The following FUT8 variants were observed in gnomAD, a reference collection of about 807,000 sequenced individuals.
FUT8 encodes alpha-(1,6)-fucosyltransferase.
FUT8 carries 29 observed loss-of-function variants against 71.3 expected under a neutral mutation model. The observed-to-expected ratio is 0.41, with a 90% CI of 0.30 to 0.55. The LOEUF (loss-of-function observed/expected upper bound fraction) is 0.55, where lower values mean the gene tolerates loss of function less well. Ranked by LOEUF, FUT8 falls within the 20% of genes least tolerant of loss-of-function variation. The pLI, the probability that FUT8 is intolerant of heterozygous loss-of-function variation, is 0.34. For missense variants in FUT8, 544 were observed against 702.1 expected (o/e 0.77, Z 2.55); for synonymous variants, 254 against 239.3 (o/e 1.06, Z -0.57).
intron 6 of FUT8, among the ~76,000 whole-genome samples, chr14:65,653,505 T>C (rs1891516501): frequency 6.6e-6 from 1 of 152,162 alleles, no homozygotes; most frequent in Non-Finnish European, 1.5e-5. Context: ...AACCTAAATA[T>C]TCAAGAAGCT....
intron 7 of FUT8, among the ~76,000 whole-genome samples, chr14:65,707,263 A>AT (rs1225731331): frequency 1.3e-5 from 2 of 151,964 alleles, no homozygotes; most frequent in Non-Finnish European, 2.9e-5. Flanking sequence ...ATTAAAGAGC[A>AT]TTTTTTTCCA....
intron 6 of FUT8, among the ~76,000 whole-genome samples, chr14:65,639,353 G>C (rs1291619518): frequency 1.3e-5 from 2 of 152,142 alleles, no homozygotes; most frequent in African/African-American, 4.8e-5. Flanking sequence ...CAATTGAATA[G>C]TTCATTGGTG....
chr14:65,737,504 T>C (rs967087978), intron 10 of FUT8, among the ~76,000 whole-genome samples: 5 of 152,166 alleles, frequency 3.3e-5, no homozygotes, highest in Non-Finnish European at 1.5e-5. Context: ...TATTTTCTTA[T>C]TTGAATCTTA....
intron 1 of FUT8, among the ~76,000 whole-genome samples, chr14:65,439,319 T>A (rs1253816092): frequency 6.6e-6 from 1 of 152,180 alleles, no homozygotes; most frequent in Non-Finnish European, 1.5e-5. Flanking sequence ...TTTAGGAGGA[T>A]CATAGTAATA....
chr14:65,557,359 G>A (rs1445933777), intron 2 of FUT8, among the ~76,000 whole-genome samples: 1 of 148,232 alleles, frequency 6.7e-6, no homozygotes, highest in Non-Finnish European at 1.5e-5. Flanking sequence ...TTGAGACAGA[G>A]CCTTGCTCTG....
chr14:65,724,143 C>A lies in FUT8; in HGVS notation c.1083-4C>A. 3 of 1,567,522 alleles carry A rather than the reference C, an allele frequency of 1.9e-6. No homozygotes were observed. Among genetic ancestry groups the A allele is most frequent in the South Asian group, 2.4e-5 (2 of 82,280 alleles). ...TACCAGTAGAATCTGAATTTCTCCCCCAGAGTCCATGTCAGACGCACAGAC... is the reference window on the plus strand; with the variant it reads ...TACCAGTAGAATCTGAATTTCTCCCACAGAGTCCATGTCAGACGCACAGAC... On this transcript the variant is annotated splice_region_variant and splice_polypyrimidine_tract_variant and intron_variant, in intron 8 of 10. Coordinates refer to ENST00000673929, the MANE Select transcript of FUT8 (RefSeq NM_001371533.1).
chr14:65,431,822 A>G (rs1358932699), intron 1 of FUT8, among the ~76,000 whole-genome samples: 1 of 151,866 alleles, frequency 6.6e-6, no homozygotes, highest in East Asian at 1.9e-4. Flanking sequence ...TATCCCTTCT[A>G]CTGTTAGAAT....
Position 65,743,624 on chromosome 14 carries a change from A to G in FUT8, c.*1214A>G, listed in dbSNP as rs1051520047. On this transcript the variant is annotated 3_prime_UTR_variant, in exon 11 of 11. Coordinates refer to ENST00000673929, the MANE Select transcript of FUT8 (RefSeq NM_001371533.1). ...TTGGGATTGGGAAGCTGGCTGTTTC[A>G]GAAGTATATGTCTCATAGTGTGCAG... The G allele has an allele frequency of 6.6e-6, 1 of 151,868 alleles. No homozygotes were observed. Among genetic ancestry groups the G allele is most frequent in the Admixed American group, 6.6e-5 (1 of 15,228 alleles). 9.4% of individuals were successfully genotyped at this position (151,868 alleles called of 1,614,324 possible). A position where few individuals can be genotyped will look rare whatever the true frequency, so the allele number is the denominator to read the frequency against.
At chr14:65,520,467 A>G (rs1361735542) in intron 2 of FUT8, among the ~76,000 whole-genome samples, 1 of 152,108 alleles carries the variant, frequency 6.6e-6, no homozygotes, top group Non-Finnish European at 1.5e-5. Context: ...GATAGTACGG[A>G]ATGTTAAATT....
At chr14:65,447,502 A>C (rs2065760832) in intron 1 of FUT8, among the ~76,000 whole-genome samples, 1 of 152,100 alleles carries the variant, frequency 6.6e-6, no homozygotes, top group African/African-American at 2.4e-5. Flanking sequence ...TTTTGACAAA[A>C]GATTAAATTA....
At chr14:65,653,920 G>A (rs1229203682) in intron 6 of FUT8, among the ~76,000 whole-genome samples, 2 of 152,170 alleles carry the variant, frequency 1.3e-5, no homozygotes, top group African/African-American at 4.8e-5. Context: ...ATTTTCGGAT[G>A]AAAGAAAACT....
intron 6 of FUT8, among the ~76,000 whole-genome samples, chr14:65,650,646 C>T (rs1891346231): frequency 7.1e-6 from 1 of 141,804 alleles, no homozygotes; most frequent in African/African-American, 2.7e-5. Context: ...GATTGCATTT[C>T]AACTTGAGAT....
intron 6 of FUT8, among the ~76,000 whole-genome samples, chr14:65,632,182 TAAAC>T (rs1890220596): frequency 6.6e-6 from 1 of 152,244 alleles, no homozygotes; most frequent in Non-Finnish European, 1.5e-5. Flanking sequence ...TGTGCTGCTA[TAAAC>T]ATGCATGTGC....
At chr14:65,690,457 A>G (rs867335367) in intron 7 of FUT8, among the ~76,000 whole-genome samples, 1 of 152,340 alleles carries the variant, frequency 6.6e-6, no homozygotes, top group South Asian at 2.1e-4. Context: ...TGATGAATTT[A>G]TATATAAAGT....
intron 5 of FUT8, among the ~76,000 whole-genome samples, chr14:65,618,161 T>A (rs1271997720): frequency 6.6e-6 from 1 of 150,786 alleles, no homozygotes; most frequent in Non-Finnish European, 1.5e-5. Flanking sequence ...GTCAGCCTCC[T>A]GTGTAGCTGG....
At chr14:65,439,840 A>G (rs1016252415) in intron 1 of FUT8, among the ~76,000 whole-genome samples, 5 of 151,448 alleles carry the variant, frequency 3.3e-5, no homozygotes, top group African/African-American at 1.2e-4. Flanking sequence ...TACAAATAGA[A>G]AATTATCTTA....
chr14:65,720,951 C>T (rs1895384493), intron 7 of FUT8, among the ~76,000 whole-genome samples: 1 of 152,112 alleles, frequency 6.6e-6, no homozygotes, highest in Admixed American at 6.5e-5. Flanking sequence ...TGCAAAGTCC[C>T]ACAATCACTG....
At chr14:65,470,220 G>T (rs1028382234) in intron 2 of FUT8, among the ~76,000 whole-genome samples, 2 of 152,252 alleles carry the variant, frequency 1.3e-5, no homozygotes, top group African/African-American at 4.8e-5. Flanking sequence ...GAGCCGGTGC[G>T]GGAAGTGGCA....
intron 9 of FUT8, among the ~76,000 whole-genome samples, chr14:65,725,580 C>G (rs1455035474): frequency 1.3e-5 from 2 of 152,170 alleles, no homozygotes; most frequent in African/African-American, 4.8e-5. Context: ...ATCCCTGAAC[C>G]CTTGACTGGC....
Sources: gnomAD v4.1 joint callset for allele counts (sites outside exome capture counted in the v4.1 genomes callset) on GRCh38, gnomAD v4.1.1 for gene constraint, MANE v1.5 for transcripts, NCBI Gene and HGNC (gene_info 2026-07-23, HGNC 2026-07-21) for gene names.